Variants in NELL1 observed in about 807,000 individuals in gnomAD.
NELL1 encodes protein kinase C-binding protein NELL1.
Under a neutral mutation model 107.4 loss-of-function variants are expected in NELL1, and 76 were observed. The ratio of observed to expected loss-of-function variants is 0.71; its 90% CI spans 0.59 to 0.86. The LOEUF (loss-of-function observed/expected upper bound fraction) is 0.86, where lower values mean the gene tolerates loss of function less well. Ranked by LOEUF, NELL1 falls within the 40% of genes least tolerant of loss-of-function variation. NELL1 has a pLI of 0.00. For missense variants in NELL1, 1,024 were observed against 1,005.5 expected, an observed-to-expected ratio of 1.02 and a Z score of -0.25; for synonymous variants, 353 against 341.2, an observed-to-expected ratio of 1.03 and a Z score of -0.38.
intron 12 of NELL1, among the ~76,000 whole-genome samples, chr11:20,991,711 T>G (rs1179037035): frequency 6.6e-6 from 1 of 152,216 alleles, no homozygotes; most frequent in Non-Finnish European, 1.5e-5. Flanking sequence ...TGATCCTGCC[T>G]GCCTTTAGGT....
At chr11:21,460,750 C>A (rs1853880229) in intron 15 of NELL1, among the ~76,000 whole-genome samples, 1 of 152,024 alleles carries the variant, frequency 6.6e-6, no homozygotes, top group Admixed American at 6.6e-5. Flanking sequence ...ATTTTCTGCT[C>A]CAATAACTTA....
chr11:21,431,789 G>A lies in NELL1; in HGVS notation c.1645+60841G>A, dbSNP rs534846477. ...ACCATTTTGCTTAACCTGCTTCTAC[G>A]CTTTTTTTTATGCTCAACTCTGTTG... On this transcript the variant is annotated intron_variant, in intron 15 of 19. Coordinates refer to ENST00000357134, the MANE Select transcript of NELL1 (RefSeq NM_006157.5). Among the ~76,000 whole-genome samples, 9 of 152,092 alleles carry A rather than the reference G, an allele frequency of 5.9e-5. No individual in the cohort carries two copies. The South Asian group carries it at 6.2e-4, about 11-fold the overall frequency.
intron 4 of NELL1, among the ~76,000 whole-genome samples, chr11:20,860,366 T>C (rs1237774893): frequency 6.6e-6 from 1 of 152,192 alleles, no homozygotes; most frequent in Non-Finnish European, 1.5e-5. Flanking sequence ...CAGCAAATAT[T>C]TGCAAATACC....
At chr11:21,028,287 G>A (rs568769896) in intron 12 of NELL1, among the ~76,000 whole-genome samples, 11 of 152,188 alleles carry the variant, frequency 7.2e-5, no homozygotes, top group Non-Finnish European at 1.5e-4. Context: ...CTAACATGCA[G>A]CCAGGATTGA....
intron 15 of NELL1, among the ~76,000 whole-genome samples, chr11:21,375,536 T>G (rs1851454340): frequency 1.3e-5 from 2 of 152,168 alleles, no homozygotes; most frequent in African/African-American, 2.4e-5. Flanking sequence ...TGTGTCTTTT[T>G]GGTAGAAAGA....
chr11:20,862,859 G>A (rs1445643190), intron 4 of NELL1, among the ~76,000 whole-genome samples: 2 of 151,976 alleles, frequency 1.3e-5, no homozygotes, highest in Non-Finnish European at 2.9e-5. Context: ...ATCTTGCACC[G>A]CCCTTAATCC....
intron 14 of NELL1, among the ~76,000 whole-genome samples, chr11:21,230,076 A>C (rs999539676): frequency 2.0e-5 from 3 of 152,154 alleles, no homozygotes; most frequent in African/African-American, 7.2e-5. Flanking sequence ...CCTCAGCCAC[A>C]ATGCTCATTT....
At chr11:21,006,398 T>C (rs895974410) in intron 12 of NELL1, among the ~76,000 whole-genome samples, 17 of 152,154 alleles carry the variant, frequency 1.1e-4, no homozygotes, top group African/African-American at 3.6e-4. Context: ...CCTTGGACTT[T>C]TCAGACTCTA....
Position 20,671,989 on chromosome 11 carries a change from C to T in NELL1, c.55+2211C>T, listed in dbSNP as rs182136667. 6.5e-4 allele frequency among the ~76,000 whole-genome samples: 99 copies of T among 152,262 alleles called. 1 individual carries two copies. The highest frequency in any genetic ancestry group is 2.2e-3 in the African/African-American group (91 of 41,542). ...CAGGGAAGCATGGAAGGATCTGACC[C>T]ACTGGTTGTGGCTGTTGCCTAGGGA... On this transcript the variant is annotated intron_variant, in intron 1 of 19. Transcript: ENST00000357134.
chr11:20,714,543 G>A (rs1715273), intron 2 of NELL1, among the ~76,000 whole-genome samples: 26,605 of 149,604 alleles, frequency 0.18, 2,792 homozygotes, highest in African/African-American at 0.27. Context: ...TTTTTTTGAG[G>A]CAGGGTCTCA....
intron 15 of NELL1, among the ~76,000 whole-genome samples, chr11:21,416,196 T>C (rs1852516320): frequency 6.6e-6 from 1 of 152,108 alleles, no homozygotes; most frequent in African/African-American, 2.4e-5. Flanking sequence ...CTCTTGACTG[T>C]AATTGATCTA....
chr11:20,824,473 A>G (rs1857829549), intron 3 of NELL1, among the ~76,000 whole-genome samples: 1 of 151,252 alleles, frequency 6.6e-6, no homozygotes, highest in Non-Finnish European at 1.5e-5. Flanking sequence ...TCAGAAGAAG[A>G]TAGGAAAATG....
chr11:21,054,042 A>C (rs1276753418), intron 12 of NELL1, among the ~76,000 whole-genome samples: 1 of 152,184 alleles, frequency 6.6e-6, no homozygotes, highest in Non-Finnish European at 1.5e-5. Context: ...ATACATTTTC[A>C]TTACAGAAAA....
At chr11:21,490,381 T>C (rs948352046) in intron 15 of NELL1, among the ~76,000 whole-genome samples, 1 of 149,668 alleles carries the variant, frequency 6.7e-6, no homozygotes. Context: ...ATATACAGAT[T>C]CAATTCAATC....
At chr11:21,195,250 G>A (rs1051463871) in intron 13 of NELL1, among the ~76,000 whole-genome samples, 1 of 152,022 alleles carries the variant, frequency 6.6e-6, no homozygotes, top group African/African-American at 2.4e-5. Flanking sequence ...TTGTACGAAG[G>A]CTGTCATGGT....
intron 12 of NELL1, among the ~76,000 whole-genome samples, chr11:21,047,415 A>C (rs1853382875): frequency 6.6e-6 from 1 of 152,174 alleles, no homozygotes; most frequent in African/African-American, 2.4e-5. Flanking sequence ...GACTTTAGGC[A>C]TGTATTAGAT....
intron 12 of NELL1, among the ~76,000 whole-genome samples, chr11:21,080,216 G>C (rs536767938): frequency 4.6e-5 from 7 of 151,652 alleles, no homozygotes. Context: ...TTTTTAAAAA[G>C]CAATACAGCA....
At chr11:21,532,106 T>A (rs1156425443) in intron 15 of NELL1, among the ~76,000 whole-genome samples, 5 of 152,194 alleles carry the variant, frequency 3.3e-5, no homozygotes, top group Admixed American at 6.5e-5. Context: ...AACCTGATTA[T>A]TTCCAGTGAG....
intron 1 of NELL1, among the ~76,000 whole-genome samples, chr11:20,677,657 CTTCTGAA>C (rs1265423465): frequency 6.6e-6 from 1 of 151,786 alleles, no homozygotes; most frequent in Admixed American, 6.6e-5. Context: ...CACATGGCAC[CTTCTGAA>C]TTCTGAACTA....
Sources: gnomAD v4.1 joint callset for allele counts (sites outside exome capture counted in the v4.1 genomes callset) on GRCh38, gnomAD v4.1.1 for gene constraint, MANE v1.5 for transcripts, NCBI Gene and HGNC (gene_info 2026-07-23, HGNC 2026-07-21) for gene names.